PKD1L3: variants seen among roughly 807,000 people sequenced by gnomAD.
The protein encoded by PKD1L3 is polycystin 1 like 3, transient receptor potential channel interacting.
A neutral mutation model predicts 184.1 loss-of-function variants in PKD1L3; 239 were observed. The observed-to-expected ratio is 1.30, with a 90% CI of 1.17 to 1.45. The LOEUF (loss-of-function observed/expected upper bound fraction) is 1.45, where lower values mean the gene tolerates loss of function less well. Among genes scored for constraint, PKD1L3 ranks in the 40% most tolerant of loss-of-function variants. The pLI is 0.00. For missense variants in PKD1L3, 2,660 were observed against 2,067.2 expected (o/e 1.29, Z -5.56); for synonymous variants, 996 against 778.8 (o/e 1.28, Z -4.64).
chr16:71,942,737 G>A lies in PKD1L3; in HGVS notation c.4147C>T (p.Leu1383=). The A allele has an allele frequency of 6.4e-7, 1 of 1,551,720 alleles. No homozygotes were observed. Among genetic ancestry groups the A allele is most frequent in the South Asian group, 1.2e-5 (1 of 84,066 alleles). ...KTYEKVDEGQ[L]AFCDNGHTCG... is the part of the protein sequence containing the mutation. The stretch of plus-strand genomic sequence containing the variant: ...GTATGGCCGTTATCACAAAACGCCA[G>A]CTGACCTTCGTCCACTTTCTCATAG... Residue 1383 remains leucine (L), a synonymous_variant, in exon 24 of 30, where the codon CTG becomes TTG. Coordinates refer to ENST00000620267, the MANE Select transcript of PKD1L3 (RefSeq NM_181536.2).
chr16:71,999,000 G>T (rs1215280337), intron 1 of PKD1L3, among the ~76,000 whole-genome samples: 1 of 152,058 alleles, frequency 6.6e-6, no homozygotes, highest in Admixed American at 6.6e-5. Context: ...GGCCGGGCGC[G>T]GTGGCTCACG....
chr16:71,954,429 T>A (rs988778867), intron 16 of PKD1L3, 128 bp from the exon 17 acceptor site: 5 of 578,596 alleles, frequency 8.6e-6, no homozygotes, highest in Non-Finnish European at 1.4e-5. Flanking sequence ...CCTCTGTGAA[T>A]AAGCTTTCAG....
rs2039538000 is a variant in PKD1L3, at chr16:71,967,305, G to GC, written c.2296_2297insG (p.Thr766SerfsTer10). On this transcript the variant is annotated frameshift_variant, in exon 15 of 30. Coordinates refer to ENST00000620267, the MANE Select transcript of PKD1L3 (RefSeq NM_181536.2). LOFTEE classifies it high-confidence loss of function. Reference sequence around the variant, plus strand: ...ACTCCGTCCCTCTGATCCATAGAGGGTGATGACAACCTACAATGAGACAGG... The same window carrying GC: ...ACTCCGTCCCTCTGATCCATAGAGGGCTGATGACAACCTACAATGAGACAGG... 1.3e-6 allele frequency: 2 copies of GC among 1,550,516 alleles called. No individual in the cohort carries two copies. The highest frequency in any genetic ancestry group is 1.7e-6 in the Non-Finnish European group (2 of 1,146,598).
intron 23 of PKD1L3, 28 bp downstream of exon 23, chr16:71,944,002 T>A: frequency 6.5e-7 from 1 of 1,541,044 alleles, no homozygotes; most frequent in South Asian, 1.2e-5. Context: ...TGCTGTGTTA[T>A]CAGTATGTTG....
intron 4 of PKD1L3, among the ~76,000 whole-genome samples, chr16:71,986,914 ATTTTTTTTTTTTT>A (rs71153694): frequency 1.5e-4 from 12 of 81,366 alleles, no homozygotes; most frequent in Admixed American, 3.1e-4. Flanking sequence ...TAAGGAGAGG[ATTTTTTTTTTTTT>A]TTTTTTTTTT....
At chr16:71,954,033 G>C (rs1189789506) in intron 17 of PKD1L3, 72 bp downstream of exon 17, 3 of 1,308,238 alleles carry the variant, frequency 2.3e-6, no homozygotes, top group Non-Finnish European at 2.0e-6. Flanking sequence ...CTGGGTAACA[G>C]AGCAAGACCC....
At chr16:71,988,124 T>C (rs1451615779) in intron 4 of PKD1L3, among the ~76,000 whole-genome samples, 2 of 152,196 alleles carry the variant, frequency 1.3e-5, no homozygotes, top group African/African-American at 4.8e-5. Flanking sequence ...AACCATTCTG[T>C]TGAGAAGGGT....
At chr16:71,965,418 C>T (rs1455483336) in intron 15 of PKD1L3, among the ~76,000 whole-genome samples, 4 of 152,138 alleles carry the variant, frequency 2.6e-5, no homozygotes, top group African/African-American at 9.7e-5. Flanking sequence ...TTCTGGGTCA[C>T]ATGGTCAGTG....
intron 16 of PKD1L3, among the ~76,000 whole-genome samples, chr16:71,957,007 G>C (rs1313706242): frequency 6.6e-6 from 1 of 152,160 alleles, no homozygotes; most frequent in Admixed American, 6.5e-5. Context: ...AAGGAACTGA[G>C]CTACAGGAGT....
At chr16:71,934,175 C>T in intron 26 of PKD1L3, 50 bp from the exon 27 acceptor site, 1 of 1,521,536 alleles carries the variant, frequency 6.6e-7, no homozygotes, top group Non-Finnish European at 8.9e-7. Context: ...TGTGCCTATA[C>T]TGCAGTTTCC....
intron 16 of PKD1L3, among the ~76,000 whole-genome samples, chr16:71,961,516 C>T (rs2039278572): frequency 6.6e-6 from 1 of 151,824 alleles, no homozygotes; most frequent in Admixed American, 6.6e-5. Context: ...GGGAGACAGC[C>T]ACCCCTGTGA....
At chr16:71,952,828 A>G in intron 18 of PKD1L3, 66 bp downstream of exon 18, 2 of 1,472,056 alleles carry the variant, frequency 1.4e-6, no homozygotes, top group Non-Finnish European at 1.8e-6. Flanking sequence ...ACAGAGCCAG[A>G]CCCTATGTCA....
Position 71,949,783 on chromosome 16 carries a change from C to T in PKD1L3, c.3618G>A (p.Lys1206=), listed in dbSNP as rs1000723335. The change falls in exon 21 of 30, where the codon AAG becomes AAA. Residue 1206 remains lysine (K), a splice_region_variant and synonymous_variant. Coordinates refer to ENST00000620267, the MANE Select transcript of PKD1L3 (RefSeq NM_181536.2). ...LQNIFISQPV[K]VVFFTFLYSL... is the part of the protein sequence containing the mutation. ...ATGGTTCTTCCCATCCCTCACATACCTTTACTGGCTGGCTGATGAAGATGT... is the reference window on the plus strand; with the variant it reads ...ATGGTTCTTCCCATCCCTCACATACTTTTACTGGCTGGCTGATGAAGATGT... 4.5e-6 allele frequency: 7 copies of T among 1,549,264 alleles called. No homozygotes were observed. The African/African-American group carries it at 8.2e-5, about 18-fold the overall frequency.
At chr16:71,950,737 C>CTTT (rs200363488) in intron 19 of PKD1L3, among the ~76,000 whole-genome samples, 134 of 140,498 alleles carry the variant, frequency 9.5e-4, no homozygotes, top group East Asian at 3.9e-3. Flanking sequence ...GTATTTCTCT[C>CTTT]TTTTTTTTTT....
intron 24 of PKD1L3, among the ~76,000 whole-genome samples, chr16:71,940,577 G>C (rs1221898853): frequency 2.0e-5 from 3 of 149,910 alleles, no homozygotes; most frequent in South Asian, 2.1e-4. Flanking sequence ...TCAGCTCACT[G>C]CAACCTCCGC....
At chr16:71,931,875 C>T (rs756203747) in intron 28 of PKD1L3, among the ~76,000 whole-genome samples, 1 of 152,096 alleles carries the variant, frequency 6.6e-6, no homozygotes, top group Non-Finnish European at 1.5e-5. Context: ...GGAACTGCTA[C>T]GTAAAATAGT....
chr16:71,979,143 T>C (rs2040049687), intron 9 of PKD1L3, among the ~76,000 whole-genome samples: 1 of 152,200 alleles, frequency 6.6e-6, no homozygotes, highest in South Asian at 2.1e-4. Context: ...TAGTCTCAGC[T>C]TTTTGTAAAT....
Position 71,951,604 on chromosome 16 carries a change from AC to A in PKD1L3, c.3149del (p.Gly1050ValfsTer34). On this transcript the variant is annotated frameshift_variant, in exon 19 of 30. Transcript: ENST00000620267. LOFTEE classifies it high-confidence loss of function. ...LSSLVSSHLEGQGCHQQGERH... is the reference protein window; with the variant it reads ...LSSLVSSHLEXQGCHQQGERH... ...GCTCTCCCTGCTGATGACAGCCTTG[AC>A]CCTCCAAGTGAGATGATACGAGGCT... 6.4e-7 allele frequency: 1 copy of A among 1,551,682 alleles called. No individual in the cohort carries two copies. The highest frequency in any genetic ancestry group is 8.7e-7 in the Non-Finnish European group (1 of 1,146,970).
At position 71,943,040 on chromosome 16, in the gene PKD1L3, A is replaced by T. The variant is rs562884373; in HGVS notation, c.3860-16T>A. ...AGGATTTGTACTTGTTTAGAAGAGGAAAAAAATGTCATAGTTGAGTGGTTA... is the reference window on the plus strand; with the variant it reads ...AGGATTTGTACTTGTTTAGAAGAGGTAAAAAATGTCATAGTTGAGTGGTTA... On this transcript the variant is annotated splice_polypyrimidine_tract_variant and intron_variant, in intron 23 of 29. Transcript: ENST00000620267. 6.6e-7 allele frequency: 1 copy of T among 1,508,732 alleles called. No individual in the cohort carries two copies. Among genetic ancestry groups the T allele is most frequent in the East Asian group, 2.5e-5 (1 of 40,616 alleles). The allele number at this position is 1,508,732 out of a possible 1,614,324, so 93.5% of individuals were successfully genotyped here. A position where few individuals can be genotyped will look rare whatever the true frequency, so the allele number is the denominator to read the frequency against.
Sources: gnomAD v4.1 joint callset for allele counts (sites outside exome capture counted in the v4.1 genomes callset) on GRCh38, gnomAD v4.1.1 for gene constraint, MANE v1.5 for transcripts, NCBI Gene and HGNC (gene_info 2026-07-23, HGNC 2026-07-21) for gene names.